GRIP2: variants seen among roughly 807,000 people sequenced by gnomAD.
The protein encoded by GRIP2 is glutamate receptor-interacting protein 2.
In GRIP2, 58 loss-of-function variants were observed where a neutral mutation model predicts 108.3. The observed-to-expected ratio is 0.54, with a 90% CI of 0.43 to 0.67. GRIP2 has a LOEUF of 0.67. Ranked by LOEUF, GRIP2 falls within the 30% of genes least tolerant of loss-of-function variation. The probability of loss-of-function intolerance (pLI) is 0.00; values close to 1 mark genes in which losing one functional copy is unlikely to be tolerated. For synonymous variants in GRIP2, 586 were observed against 598.2 expected (o/e 0.98, Z 0.30); for missense variants, 1,278 against 1,430.6 (o/e 0.89, Z 1.72).
chr3:14,522,561 C>T lies in GRIP2; in HGVS notation c.566+439G>A, dbSNP rs1037961347. 1 of 163,304 alleles carries T rather than the reference C, an allele frequency of 6.1e-6. No homozygotes were observed. Among genetic ancestry groups the T allele is most frequent in the Non-Finnish European group, 1.3e-5 (1 of 74,388 alleles). 10.1% of individuals were successfully genotyped at this position (163,304 alleles called of 1,614,324 possible). The stretch of plus-strand genomic sequence containing the variant: ...ATGTTCTTTCCCCACATTCTCTCCT[C>T]CTGGCCCTTCTGGGCTGGGCCCAGG... On this transcript the variant is annotated intron_variant, in intron 6 of 23. Coordinates refer to ENST00000621039, the MANE Select transcript of GRIP2 (RefSeq NM_001080423.4). This position sits in a 1 kb window ranked among gnomAD's most constrained non-coding sequence, Gnocchi z 4.3.
At position 14,507,263 on chromosome 3, in the gene GRIP2, G is replaced by A. The variant is rs562145635; in HGVS notation, c.2219-283C>T. Among the ~76,000 whole-genome samples, 12 of 152,328 alleles carry A rather than the reference G, an allele frequency of 7.9e-5. No individual in the cohort carries two copies. Among genetic ancestry groups the A allele is most frequent in the Middle Eastern group, 3.4e-3 (1 of 294 alleles). The stretch of plus-strand genomic sequence containing the variant: ...GGCCTTTCTACCAAGGCACGGGGAC[G>A]TATTCAGGGGCAGCTGAGGAATGCA... On this transcript the variant is annotated intron_variant, in intron 18 of 23. Transcript: ENST00000621039. This position sits in a 1 kb window ranked among gnomAD's most constrained non-coding sequence, Gnocchi z 4.6.
intron 1 of GRIP2, among the ~76,000 whole-genome samples, chr3:14,552,890 C>T (rs1695174851): frequency 6.6e-6 from 1 of 151,946 alleles, no homozygotes; most frequent in African/African-American, 2.4e-5. Flanking sequence ...AGCTACCATA[C>T]CTGGTCCAGA....
chr3:14,555,663 C>T (rs2124986101), intron 1 of GRIP2, among the ~76,000 whole-genome samples: 1 of 151,488 alleles, frequency 6.6e-6, no homozygotes, highest in African/African-American at 2.4e-5. Flanking sequence ...CCAGAGAGAG[C>T]GGAGAGACAG....
chr3:14,535,567 G>A (rs1327540173), intron 1 of GRIP2, among the ~76,000 whole-genome samples: 1 of 152,206 alleles, frequency 6.6e-6, no homozygotes, highest in Non-Finnish European at 1.5e-5. Flanking sequence ...CACTTTTGAG[G>A]CGGTATAATC....
chr3:14,513,549 A>C, intron 13 of GRIP2, 116 bp downstream of exon 13: 1 of 1,316,518 alleles, frequency 7.6e-7, no homozygotes, highest in Non-Finnish European at 1.0e-6. Context: ...CCCTGGGAGA[A>C]GGGCACTGGG....
chr3:14,591,386 G>A, the GRIP2 span, among the ~76,000 whole-genome samples: 2 of 152,236 alleles, frequency 1.3e-5, no homozygotes, highest in Non-Finnish European at 2.9e-5. Flanking sequence ...CATTCCTGGG[G>A]TGAAATCCCC....
At chr3:14,519,453 T>C (rs2124914447) in intron 9 of GRIP2, among the ~76,000 whole-genome samples, 1 of 152,354 alleles carries the variant, frequency 6.6e-6, no homozygotes, top group Non-Finnish European at 1.5e-5. Context: ...ACAGATGAGA[T>C]GACTGGGACT....
chr3:14,524,940 C>T (rs1257324823), intron 3 of GRIP2, among the ~76,000 whole-genome samples: 1 of 152,204 alleles, frequency 6.6e-6, no homozygotes, highest in African/African-American at 2.4e-5. Context: ...GACTGAGAGG[C>T]TAACTCCCAG....
chr3:14,529,230 G>C (rs1265940127), intron 1 of GRIP2, among the ~76,000 whole-genome samples: 2 of 142,422 alleles, frequency 1.4e-5, no homozygotes, highest in African/African-American at 5.4e-5. Flanking sequence ...AGTGAGCCGA[G>C]ACCGTGCCAC....
At chr3:14,527,245 A>AG (rs1553599309) in intron 1 of GRIP2, among the ~76,000 whole-genome samples, 2 of 123,402 alleles carry the variant, frequency 1.6e-5, no homozygotes. Flanking sequence ...GAAAGAAGGA[A>AG]GAAAGGGAAG....
At chr3:14,554,039 T>TG (rs1260837908) in intron 1 of GRIP2, among the ~76,000 whole-genome samples, 1 of 151,950 alleles carries the variant, frequency 6.6e-6, no homozygotes, top group Non-Finnish European at 1.5e-5. Context: ...GGTGTGTGCA[T>TG]GGGGAGAGGA....
intron 1 of GRIP2, among the ~76,000 whole-genome samples, chr3:14,537,815 C>A (rs1694869740): frequency 6.6e-6 from 1 of 152,222 alleles, no homozygotes; most frequent in South Asian, 2.1e-4. Flanking sequence ...TCCCTGCCCC[C>A]AGCATGGCAG....
intron 1 of GRIP2, among the ~76,000 whole-genome samples, chr3:14,529,033 G>C (rs1223553565): frequency 1.3e-5 from 2 of 152,052 alleles, no homozygotes; most frequent in Non-Finnish European, 2.9e-5. Context: ...CACTTTGGGA[G>C]GCCAAAGGGG....
At chr3:14,573,926 C>A in the GRIP2 span, 1 of 1,116,654 alleles carries the variant, frequency 9.0e-7, no homozygotes. Context: ...AGGCCGAGTG[C>A]TTCTCGTGCT....
the GRIP2 span, among the ~76,000 whole-genome samples, chr3:14,577,885 T>A: frequency 7.9e-5 from 12 of 152,196 alleles, no homozygotes; most frequent in African/African-American, 2.9e-4. Flanking sequence ...ATGGGCTGGC[T>A]AAGGATGGTG....
chr3:14,595,062 A>G, the GRIP2 span, among the ~76,000 whole-genome samples: 3 of 151,464 alleles, frequency 2.0e-5, no homozygotes, highest in Non-Finnish European at 4.4e-5. Flanking sequence ...ACACCCGACT[A>G]ATTTTTGTAT....
intron 1 of GRIP2, among the ~76,000 whole-genome samples, chr3:14,550,323 T>C (rs1402473043): frequency 6.6e-6 from 1 of 152,222 alleles, no homozygotes; most frequent in Non-Finnish European, 1.5e-5. Flanking sequence ...CCTTCAAGAC[T>C]GCTGCCCCCA....
At chr3:14,579,684 C>CA in the GRIP2 span, among the ~76,000 whole-genome samples, 1 of 111,598 alleles carries the variant, frequency 9.0e-6, no homozygotes, top group East Asian at 2.3e-4. Flanking sequence ...CCCGCCTTCA[C>CA]AACCCTGGGG....
rs1004522653 is a variant in GRIP2 at position 14,521,737 on chromosome 3, G to A, written c.617C>T (p.Pro206Leu). ...GGTGGCATGGCTGGCCCCGTGCAGC[G>A]GGATTCCATCGACACTGAGCAGCCT... ...GDRLLSVDGI[P>L]LHGASHATAL... The change falls in exon 7 of 24, where the codon CCG (proline) becomes CTG (leucine). Residue 206 changes from proline to leucine, a missense_variant. Pro to Leu is a moderately conservative substitution (Grantham distance 98). Transcript: ENST00000621039. This position sits in a 1 kb window ranked among gnomAD's most constrained non-coding sequence, Gnocchi z 5.1. The A allele has an allele frequency of 1.2e-6, 2 of 1,609,722 alleles. No individual in the cohort carries two copies. The highest frequency in any genetic ancestry group is 1.7e-5 in the Admixed American group (1 of 59,534).
Sources: allele counts gnomAD v4.1 joint callset (sites outside exome capture counted in the v4.1 genomes callset), GRCh38; gene constraint gnomAD v4.1.1; non-coding constraint Gnocchi (gnomAD v3.1); transcripts MANE v1.5; gene names NCBI Gene and HGNC (gene_info 2026-07-23, HGNC 2026-07-21).